The following PPP1R13L variants were observed in gnomAD, a reference collection of about 807,000 sequenced individuals.
PPP1R13L encodes the protein protein phosphatase 1 regulatory subunit 13 like, also known as relA-associated inhibitor.
A neutral mutation model predicts 80.9 loss-of-function variants in PPP1R13L; 50 were observed. The observed-to-expected ratio is 0.62, with a 90% CI of 0.49 to 0.78. The LOEUF (loss-of-function observed/expected upper bound fraction) is 0.78, where lower values mean the gene tolerates loss of function less well. Among genes scored for constraint, PPP1R13L ranks in the 30% least tolerant of loss-of-function variants. PPP1R13L has a pLI of 0.00. For missense variants in PPP1R13L, 1,200 were observed against 1,205.9 expected (o/e 1.00, Z 0.07); for synonymous variants, 602 against 534.3 (o/e 1.13, Z -1.75).
chr19:45,382,920 C>G (rs1972792860), intron 11 of PPP1R13L, among the ~76,000 whole-genome samples, 194 bp from the exon 12 acceptor site: 1 of 151,828 alleles, frequency 6.6e-6, no homozygotes, highest in Non-Finnish European at 1.5e-5. Context: ...TTTGAGCGTT[C>G]GAGGAAACTG....
In PPP1R13L at chr19:45,386,149, G is replaced by C. The variant is rs1972865015; in HGVS notation, c.1847C>G (p.Ser616Cys). Residue 616 changes from serine (S) to cysteine (C), a missense_variant, in exon 9 of 13, where the codon TCC (serine) becomes TGC (cysteine). Transcript: ENST00000360957. ...EMRSVLRKAG[S>C]PRKARRARLN... ...GCGCGCGCGGCGGGCCTTGCGCGGG[G>C]AGCCCGCCTTCCGCAGCACAGAGCG... 6.5e-7 allele frequency: 1 copy of C among 1,540,554 alleles called. No individual in the cohort carries two copies. Among genetic ancestry groups the C allele is most frequent in the Non-Finnish European group, 8.6e-7 (1 of 1,157,148 alleles).
At position 45,380,147 on chromosome 19, in the gene PPP1R13L, G is replaced by C; in HGVS notation, c.*43C>G. The C allele has an allele frequency of 1.2e-6, 2 of 1,607,774 alleles. No homozygotes were observed. The highest frequency in any genetic ancestry group is 3.3e-5 in the Admixed American group (2 of 59,960). ...AGGGAGAGGTCTGGAGGGAAGGCAG[G>C]AATGCTTGTTTCTGTCAGCCTCAGA... is the stretch of plus-strand genomic sequence containing the variant. On this transcript the variant is annotated 3_prime_UTR_variant, in exon 13 of 13. Transcript: ENST00000360957.
intron 11 of PPP1R13L, among the ~76,000 whole-genome samples, chr19:45,384,522 ACT>A (rs891230431): frequency 6.7e-5 from 10 of 149,866 alleles, no homozygotes; most frequent in African/African-American, 2.5e-4. Flanking sequence ...ACAGAGCAAG[ACT>A]CTGTCTCAAA....
At chr19:45,389,046 T>A (rs1160321964) in intron 8 of PPP1R13L, among the ~76,000 whole-genome samples, 1 of 152,158 alleles carries the variant, frequency 6.6e-6, no homozygotes, top group Non-Finnish European at 1.5e-5. Flanking sequence ...CCTAACTTTA[T>A]AATTCTAAGA....
rs781059039 is a variant in PPP1R13L, at chr19:45,392,115, A to C, written c.1580T>G (p.Met527Arg). The C allele has an allele frequency of 4.5e-6, 7 of 1,563,938 alleles. No individual in the cohort carries two copies. The highest frequency in any genetic ancestry group is 6.1e-6 in the Non-Finnish European group (7 of 1,153,450). Residue 527 changes from methionine (M) to arginine (R), a missense_variant, in exon 8 of 13, where the codon ATG becomes AGG. Met to Arg is a moderately conservative substitution (Grantham distance 91). Transcript: ENST00000360957. ...CAGGGCCACAGCAGGGGCCTGCTCC[A>C]TGGAGCCCCTGCGTTTGAGGGGCCG... Reference protein sequence around the residue: ...IPRPLKRRGSMEQAPAVALPP... With the variant: ...IPRPLKRRGSREQAPAVALPP...
chr19:45,382,780 CA>C (rs900233399), intron 11 of PPP1R13L, 54 bp from the exon 12 acceptor site: 2 of 1,582,078 alleles, frequency 1.3e-6, no homozygotes, highest in Non-Finnish European at 1.7e-6. Flanking sequence ...GGTCCAGGAA[CA>C]GGGGCCACGT....
Position 45,392,331 on chromosome 19 carries a change from T to A in PPP1R13L, c.1364A>T (p.Lys455Ile). 1 of 1,613,290 alleles carries A rather than the reference T, an allele frequency of 6.2e-7. No individual in the cohort carries two copies. The highest frequency in any genetic ancestry group is 8.5e-7 in the Non-Finnish European group (1 of 1,179,996). Residue 455 changes from lysine (K) to isoleucine (I), a missense_variant, in exon 8 of 13, where the codon AAA becomes ATA. Physicochemically the swap from Lys to Ile is moderately radical, Grantham distance 102. Coordinates refer to ENST00000360957, the MANE Select transcript of PPP1R13L (RefSeq NM_006663.4). ...TWPPVNEGPP[K>I]PPTELEPEPE... ...CTCAGGCTCCAGCTCGGTGGGGGGT[T>A]TGGGGGGTCCTAGCCGGAACAAGAG...
intron 7 of PPP1R13L, among the ~76,000 whole-genome samples, chr19:45,393,641 G>A (rs1238536578): frequency 8.6e-5 from 13 of 152,038 alleles, no homozygotes; most frequent in Admixed American, 6.6e-5. Flanking sequence ...TTGGGAGGCC[G>A]AGGTGGGCAG....
At chr19:45,395,910 G>T in intron 6 of PPP1R13L, 24 bp from the exon 7 acceptor site, 1 of 1,545,992 alleles carries the variant, frequency 6.5e-7, no homozygotes, top group Non-Finnish European at 8.8e-7. Flanking sequence ...AAGGGAGAAG[G>T]GGATCGGGTG....
At chr19:45,399,159 G>T (rs1005279417) in intron 1 of PPP1R13L, among the ~76,000 whole-genome samples, 1 of 149,242 alleles carries the variant, frequency 6.7e-6, no homozygotes, top group Non-Finnish European at 1.5e-5. Flanking sequence ...CAGCCAGGAT[G>T]GTCTCGATCT....
intron 1 of PPP1R13L, among the ~76,000 whole-genome samples, chr19:45,399,703 G>A (rs1973194501): frequency 6.6e-6 from 1 of 151,362 alleles, no homozygotes; most frequent in Non-Finnish European, 1.5e-5. Context: ...CCTGTAACCC[G>A]AGCACTTTGG....
intron 7 of PPP1R13L, among the ~76,000 whole-genome samples, chr19:45,394,355 C>T (rs149740222): frequency 1.3e-3 from 199 of 152,248 alleles, no homozygotes; most frequent in Middle Eastern, 3.4e-3. Flanking sequence ...GTTGCCCAGG[C>T]TGGTCTTGAA....
At chr19:45,382,478 C>A (rs762923955) in intron 12 of PPP1R13L, 49 bp downstream of exon 12, 1 of 1,582,546 alleles carries the variant, frequency 6.3e-7, no homozygotes, top group Non-Finnish European at 8.6e-7. Context: ...CCCCTTTTCC[C>A]CAACCCCCAA....
At chr19:45,404,649 C>T (rs1002771970) in intron 1 of PPP1R13L, among the ~76,000 whole-genome samples, 7 of 152,180 alleles carry the variant, frequency 4.6e-5, no homozygotes, top group Admixed American at 1.3e-4. Flanking sequence ...CCTTGAGCCC[C>T]ACCAGTCTGA....
rs775289817 is a variant in PPP1R13L at position 45,391,926 on chromosome 19, G to A, written c.1769C>T (p.Pro590Leu). 1.0e-5 allele frequency: 15 copies of A among 1,503,200 alleles called. No individual in the cohort carries two copies. Among genetic ancestry groups the A allele is most frequent in the Non-Finnish European group, 1.3e-5 (15 of 1,128,902 alleles). 93.1% of individuals were successfully genotyped at this position (1,503,200 alleles called of 1,614,324 possible). A position where few individuals can be genotyped will look rare whatever the true frequency, so the allele number is the denominator to read the frequency against. ...TGGGCTGCTCTGGGACGGGGCCGGG[G>A]GTGGAATGGGAGCTGGTGGGGCAGG... ...PAPAPPAPIP[P>L]PAPSQSSPPE... Residue 590 changes from proline (P) to leucine (L), a missense_variant, in exon 8 of 13, where the codon CCC (proline) becomes CTC (leucine). Pro to Leu is a moderately conservative substitution (Grantham distance 98). This residue lies in a region of PPP1R13L where 214 missense variants were observed against 199.6 expected (regional missense o/e 1.07). Coordinates refer to ENST00000360957, the MANE Select transcript of PPP1R13L (RefSeq NM_006663.4).
chr19:45,393,361 T>TGG (rs1460940611), intron 7 of PPP1R13L, among the ~76,000 whole-genome samples: 2 of 151,272 alleles, frequency 1.3e-5, no homozygotes, highest in African/African-American at 2.4e-5. Context: ...GAGGCTGAGG[T>TGG]GGGTGGATCA....
chr19:45,382,802 A>AACAGGGG, intron 11 of PPP1R13L, 76 bp from the exon 12 acceptor site: 1 of 1,426,602 alleles, frequency 7.0e-7, no homozygotes, highest in African/African-American at 1.4e-5. Context: ...GGGGTCCAGG[A>AACAGGGG]CAGACCCTGG....
rs1477880684 is a variant in PPP1R13L, at chr19:45,386,116, G to A, written c.1880C>T (p.Pro627Leu). 6.4e-7 allele frequency: 1 copy of A among 1,555,648 alleles called. No homozygotes were observed. The highest frequency in any genetic ancestry group is 2.2e-5 in the Admixed American group (1 of 45,542). The change falls in exon 9 of 13, where the codon CCT (proline) becomes CTT (leucine). Residue 627 changes from proline (P) to leucine (L), a missense_variant. Physicochemically the swap from Pro to Leu is moderately conservative, Grantham distance 98. Coordinates refer to ENST00000360957, the MANE Select transcript of PPP1R13L (RefSeq NM_006663.4). ...PRKARRARLN[P>L]LVLLLDAALT... is the part of the protein sequence containing the mutation. ...CGCCGCGTCCAGGAGGAGCACCAGAGGGTTGAGGCGCGCGCGGCGGGCCTT... is the reference window on the plus strand; with the variant it reads ...CGCCGCGTCCAGGAGGAGCACCAGAAGGTTGAGGCGCGCGCGGCGGGCCTT...
In PPP1R13L at chr19:45,396,912, C is replaced by T. The variant is rs1448935905; in HGVS notation, c.345G>A (p.Lys115=). The T allele has an allele frequency of 6.7e-7, 1 of 1,502,454 alleles. No homozygotes were observed. The highest frequency in any genetic ancestry group is 8.8e-7 in the Non-Finnish European group (1 of 1,133,798). 93.1% of individuals were successfully genotyped at this position (1,502,454 alleles called of 1,614,324 possible). ...TLHPYSPLSP[K]GRPSSPRTPL... Reference sequence around the variant, plus strand: ...GGGTGCGCGGCGACGACGGCCGTCCCTTGGGGGACAGCGGGCTGTAGGGGT... The same window carrying T: ...GGGTGCGCGGCGACGACGGCCGTCCTTTGGGGGACAGCGGGCTGTAGGGGT... Residue 115 remains lysine, a synonymous_variant, in exon 4 of 13, where the codon AAG becomes AAA. Coordinates refer to ENST00000360957, the MANE Select transcript of PPP1R13L (RefSeq NM_006663.4). The surrounding 1 kb of genome is among the most constrained non-coding windows in gnomAD (Gnocchi z 5.3).
Sources: gnomAD v4.1 joint callset for allele counts (sites outside exome capture counted in the v4.1 genomes callset) on GRCh38, gnomAD v4.1.1 for gene constraint, gnomAD v4.1.1 regional missense constraint, Gnocchi (gnomAD v3.1) non-coding constraint, MANE v1.5 for transcripts, NCBI Gene and HGNC (gene_info 2026-07-23, HGNC 2026-07-21) for gene names.